Variants in THRAP3 observed in about 807,000 individuals in gnomAD.
THRAP3 encodes thyroid hormone receptor associated protein 3.
A neutral mutation model predicts 101.0 loss-of-function variants in THRAP3; 16 were observed. That is an observed-to-expected ratio of 0.16 (90% CI 0.11 to 0.24). The LOEUF is 0.24. Ranked by LOEUF, THRAP3 falls within the 10% of genes least tolerant of loss-of-function variation. The probability of loss-of-function intolerance (pLI) is 1.00; values close to 1 mark genes in which losing one functional copy is unlikely to be tolerated. For missense variants in THRAP3, 989 were observed against 1,202.7 expected (o/e 0.82, Z 2.63); for synonymous variants, 407 against 422.6 (o/e 0.96, Z 0.45).
Position 36,296,755 on chromosome 1 carries a change from G to C in THRAP3, c.2288G>C (p.Gly763Ala), listed in dbSNP as rs754391575. 6.3e-7 allele frequency: 1 copy of C among 1,591,708 alleles called. No homozygotes were observed. The highest frequency in any genetic ancestry group is 8.5e-7 in the Non-Finnish European group (1 of 1,173,756). Residue 763 changes from glycine to alanine, a missense_variant, in exon 9 of 12, where the codon GGA becomes GCA. Gly to Ala is a moderately conservative substitution (Grantham distance 60). Coordinates refer to ENST00000354618, the MANE Select transcript of THRAP3 (RefSeq NM_005119.4). ...GAAAAAACAGAGAAAACTCATAAAGGATCAAAGAAACAGAAGTACGTAAGC... is the reference window on the plus strand; with the variant it reads ...GAAAAAACAGAGAAAACTCATAAAGCATCAAAGAAACAGAAGTACGTAAGC... ...SAEKTEKTHK[G>A]SKKQKKHRRA...
chr1:36,237,774 AAAAC>A lies in THRAP3; in HGVS notation c.-135+13281_-135+13284del, dbSNP rs373109466. Among the ~76,000 whole-genome samples the A allele has an allele frequency of 9.7e-4, 148 of 152,236 alleles. 2 individuals are homozygous for A. In the East Asian group the frequency reaches 0.013, roughly 14 times the overall value. The stretch of plus-strand genomic sequence containing the variant: ...TGACAAAATGAGACTGTCTGAAAAC[AAAAC>A]AAACAAACAAAAAAAAACAACTAGG... On this transcript the variant is annotated intron_variant, in intron 1 of 11. Coordinates refer to ENST00000354618, the MANE Select transcript of THRAP3 (RefSeq NM_005119.4).
intron 9 of THRAP3, among the ~76,000 whole-genome samples, chr1:36,298,231 G>A (rs993823040): frequency 6.6e-6 from 1 of 151,354 alleles, no homozygotes; most frequent in Non-Finnish European, 1.5e-5. Flanking sequence ...ATTCCAATGT[G>A]TTACTTATGC....
intron 1 of THRAP3, chr1:36,224,992 A>C (rs560191989): frequency 6.6e-6 from 1 of 152,358 alleles, no homozygotes; most frequent in East Asian, 1.9e-4. Flanking sequence ...AAAACGGGAT[A>C]GTCCAAATTT....
chr1:36,285,309 G>C (rs1645781530), intron 3 of THRAP3, among the ~76,000 whole-genome samples: 1 of 152,206 alleles, frequency 6.6e-6, no homozygotes, highest in African/African-American at 2.4e-5. Context: ...AGCTGCTTAG[G>C]AGTAGTGGTT....
At chr1:36,222,760 T>A (rs981239457), upstream of THRAP3, among the ~76,000 whole-genome samples, 6 of 152,196 alleles carry the variant, frequency 3.9e-5, no homozygotes, top group Non-Finnish European at 7.3e-5. Context: ...TTGGTATCCA[T>A]CTAGTTTACT....
the THRAP3 span, among the ~76,000 whole-genome samples, chr1:36,211,186 T>A: frequency 1.3e-5 from 2 of 150,488 alleles, no homozygotes; most frequent in Non-Finnish European, 3.0e-5. Flanking sequence ...ATAGAGAGAC[T>A]CTGTCACTAT....
At chr1:36,244,014 C>CA (rs1553192874) in intron 1 of THRAP3, among the ~76,000 whole-genome samples, 9 of 138,692 alleles carry the variant, frequency 6.5e-5, no homozygotes, top group African/African-American at 2.5e-4. Context: ...GCTGGCCGGG[C>CA]GGGGGGCTGA....
rs191053226 is a variant in THRAP3, at chr1:36,304,866, T to G, written c.*849T>G. On this transcript the variant is annotated 3_prime_UTR_variant, in exon 12 of 12. Transcript: ENST00000354618. Reference sequence around the variant, plus strand: ...TCTGGTCTGTTTTCTAAGAAACTTATGAATTCTATTATCTTTACAAATATG... The same window carrying G: ...TCTGGTCTGTTTTCTAAGAAACTTAGGAATTCTATTATCTTTACAAATATG... The G allele has an allele frequency of 4.8e-6, 1 of 206,258 alleles. No homozygotes were observed. Among genetic ancestry groups the G allele is most frequent in the Non-Finnish European group, 9.9e-6 (1 of 100,866 alleles). 12.8% of individuals were successfully genotyped at this position (206,258 alleles called of 1,614,324 possible). A position where few individuals can be genotyped will look rare whatever the true frequency, so the allele number is the denominator to read the frequency against.
chr1:36,220,690 ACG>A (rs2124299734), upstream of THRAP3, among the ~76,000 whole-genome samples: 1 of 152,226 alleles, frequency 6.6e-6, no homozygotes, highest in East Asian at 1.9e-4. Context: ...ACAGTGGCTC[ACG>A]CCTGTAATCC....
the THRAP3 span, among the ~76,000 whole-genome samples, chr1:36,212,777 G>A: frequency 1.3e-5 from 2 of 152,136 alleles, no homozygotes; most frequent in Admixed American, 6.6e-5. Context: ...GGAGTGGAAG[G>A]TGCTGAACTG....
chr1:36,215,954 G>A, the THRAP3 span, among the ~76,000 whole-genome samples: 1 of 151,752 alleles, frequency 6.6e-6, no homozygotes, highest in African/African-American at 2.4e-5. Flanking sequence ...TCTCCATGTT[G>A]GTCAGACTGG....
the THRAP3 span, among the ~76,000 whole-genome samples, chr1:36,208,821 C>G: frequency 6.6e-6 from 1 of 152,038 alleles, no homozygotes; most frequent in Non-Finnish European, 1.5e-5. Flanking sequence ...CATGCACCAC[C>G]ATGCCCAGCT....
intron 4 of THRAP3, chr1:36,287,781 A>C (rs1645814650): frequency 1.0e-6 from 1 of 985,284 alleles, no homozygotes; most frequent in Non-Finnish European, 1.2e-6. Flanking sequence ...TTAAAACCAC[A>C]AGGTGGGTGT....
At position 36,304,573 on chromosome 1, in the gene THRAP3, T is replaced by G. The variant is rs15514; in HGVS notation, c.*556T>G. 4.5e-6 allele frequency: 1 copy of G among 224,324 alleles called. No homozygotes were observed. The highest frequency in any genetic ancestry group is 8.9e-6 in the Non-Finnish European group (1 of 112,252). The allele number at this position is 224,324 out of a possible 1,614,324, so 13.9% of individuals were successfully genotyped here. ...TAAACTTTGAAGTGTTCACCTCAGT[T>G]TGGGACCAAACTGCTTGGATCTTTG... On this transcript the variant is annotated 3_prime_UTR_variant, in exon 12 of 12. Coordinates refer to ENST00000354618, the MANE Select transcript of THRAP3 (RefSeq NM_005119.4).
At chr1:36,252,962 ATATATAT>A (rs1557819459) in intron 1 of THRAP3, among the ~76,000 whole-genome samples, 36 of 139,680 alleles carry the variant, frequency 2.6e-4, no homozygotes, top group African/African-American at 8.6e-4. Flanking sequence ...ATATATATAT[ATATATAT>A]AAATGTAAAT....
the THRAP3 span, among the ~76,000 whole-genome samples, chr1:36,210,374 A>G: frequency 6.7e-6 from 1 of 148,182 alleles, no homozygotes; most frequent in Non-Finnish European, 1.5e-5. Context: ...TCAAAAAAAA[A>G]AAAAAAAAGA....
intron 2 of THRAP3, among the ~76,000 whole-genome samples, chr1:36,281,963 C>G (rs1645737174): frequency 6.6e-6 from 1 of 152,086 alleles, no homozygotes; most frequent in Non-Finnish European, 1.5e-5. Context: ...ATCCCAGCTA[C>G]TTGGGAGGCT....
chr1:36,296,866 G>C (rs1645959093), intron 9 of THRAP3, 96 bp downstream of exon 9: 2 of 1,011,230 alleles, frequency 2.0e-6, no homozygotes, highest in Non-Finnish European at 2.7e-6. Flanking sequence ...GGAGTTTAGG[G>C]TTAGTAATTA....
At chr1:36,258,917 A>G (rs1570279649) in intron 1 of THRAP3, among the ~76,000 whole-genome samples, 1 of 152,356 alleles carries the variant, frequency 6.6e-6, no homozygotes, top group Admixed American at 6.5e-5. Flanking sequence ...CCATGTTCAT[A>G]GATCTGGGAA....
Sources: gnomAD v4.1 joint callset for allele counts (sites outside exome capture counted in the v4.1 genomes callset) on GRCh38, gnomAD v4.1.1 for gene constraint, MANE v1.5 for transcripts, NCBI Gene and HGNC (gene_info 2026-07-23, HGNC 2026-07-21) for gene names.